Variants in INVS observed in about 807,000 individuals in gnomAD.
The protein encoded by INVS is inversion of embryo turning homolog.
A neutral mutation model predicts 108.8 loss-of-function variants in INVS; 86 were observed. The ratio of observed to expected loss-of-function variants is 0.79; its 90% confidence interval spans 0.66 to 0.95. The LOEUF (loss-of-function observed/expected upper bound fraction) is 0.95, where lower values mean the gene tolerates loss of function less well. INVS is among the 40% of genes least tolerant of loss of function. INVS has a pLI of 0.00. For missense variants in INVS, 1,169 were observed against 1,297.4 expected (o/e 0.90, Z 1.52); for synonymous variants, 455 against 473.5 (o/e 0.96, Z 0.51).
intron 10 of INVS, among the ~76,000 whole-genome samples, chr9:100,264,040 A>G (rs1832709780): frequency 1.3e-5 from 2 of 152,124 alleles, no homozygotes; most frequent in African/African-American, 4.8e-5. Flanking sequence ...TTGTTATTAG[A>G]TGCACACAAG....
chr9:100,268,115 T>G (rs1832847611), intron 11 of INVS, among the ~76,000 whole-genome samples: 1 of 152,130 alleles, frequency 6.6e-6, no homozygotes. Flanking sequence ...AAAGCAAGTT[T>G]ATTAAGAAAG....
chr9:100,237,356 G>A (rs1831719512), intron 5 of INVS, among the ~76,000 whole-genome samples: 1 of 152,126 alleles, frequency 6.6e-6, no homozygotes, highest in Non-Finnish European at 1.5e-5. Context: ...CCCCTTTCCA[G>A]TGGAGTGAAC....
At chr9:100,185,693 C>T (rs1282042608) in intron 3 of INVS, among the ~76,000 whole-genome samples, 2 of 151,700 alleles carry the variant, frequency 1.3e-5, no homozygotes, top group Non-Finnish European at 2.9e-5. Flanking sequence ...TTTTATTCCT[C>T]TGCCCACTCT....
chr9:100,099,684 T>G (rs189838173), intron 1 of INVS, among the ~76,000 whole-genome samples: 1 of 152,328 alleles, frequency 6.6e-6, no homozygotes, highest in Non-Finnish European at 1.5e-5. Context: ...CGGGATGGGA[T>G]AGCACGTCGT....
At chr9:100,113,291 T>C (rs531735073) in intron 2 of INVS, among the ~76,000 whole-genome samples, 11 of 152,248 alleles carry the variant, frequency 7.2e-5, no homozygotes, top group Non-Finnish European at 1.6e-4. Context: ...CAATGCAAAA[T>C]TTGCCTCCAT....
chr9:100,199,534 T>C (rs1367021611), intron 3 of INVS, among the ~76,000 whole-genome samples: 1 of 152,212 alleles, frequency 6.6e-6, no homozygotes, highest in African/African-American at 2.4e-5. Context: ...CCTATACCTA[T>C]GTATTATTTT....
intron 3 of INVS, among the ~76,000 whole-genome samples, chr9:100,143,368 A>T (rs1828493585): frequency 6.6e-6 from 1 of 152,170 alleles, no homozygotes; most frequent in South Asian, 2.1e-4. Flanking sequence ...TATAGGCTTT[A>T]AAAGGCCATG....
intron 3 of INVS, among the ~76,000 whole-genome samples, chr9:100,206,755 G>T (rs1051509340): frequency 6.6e-6 from 1 of 151,520 alleles, no homozygotes; most frequent in East Asian, 1.9e-4. Flanking sequence ...AAAAATCCAG[G>T]ATCAGGCACT....
intron 5 of INVS, among the ~76,000 whole-genome samples, chr9:100,236,700 TAA>T (rs1274776168): frequency 2.4e-4 from 37 of 152,174 alleles, no homozygotes; most frequent in Non-Finnish European, 7.4e-5. Flanking sequence ...TACGGAACAG[TAA>T]AGATTGCTGC....
chr9:100,260,882 G>A (rs563645178), intron 10 of INVS, among the ~76,000 whole-genome samples: 1 of 151,996 alleles, frequency 6.6e-6, no homozygotes, highest in African/African-American at 2.4e-5. Flanking sequence ...TTTCCTTTGG[G>A]ATTATCGCAT....
chr9:100,160,644 T>G (rs1182558885), intron 3 of INVS, among the ~76,000 whole-genome samples: 1 of 152,124 alleles, frequency 6.6e-6, no homozygotes, highest in African/African-American at 2.4e-5. Flanking sequence ...TAATTTACAT[T>G]TAAATATCCC....
chr9:100,238,348 T>C (rs1831755758), intron 5 of INVS, among the ~76,000 whole-genome samples: 1 of 152,252 alleles, frequency 6.6e-6, no homozygotes, highest in Non-Finnish European at 1.5e-5. Flanking sequence ...GTCATTCCTT[T>C]ATACATGATG....
intron 8 of INVS, among the ~76,000 whole-genome samples, chr9:100,250,914 CACTT>C (rs1450590747): frequency 6.6e-6 from 1 of 152,176 alleles, no homozygotes; most frequent in Non-Finnish European, 1.5e-5. Flanking sequence ...ACTCCACTGT[CACTT>C]ACTGTGCTGC....
Position 100,292,712 on chromosome 9 carries a change from G to T in INVS, c.2455G>T (p.Val819Phe), listed in dbSNP as rs766203663. 1.9e-6 allele frequency: 3 copies of T among 1,614,140 alleles called. No homozygotes were observed. In the East Asian group the frequency reaches 6.7e-5, roughly 36 times the overall value. ...SRPGSARGEA[V>F]HAGQNPPHHR... is the part of the protein sequence containing the mutation. ...CCCTGGCAGTGCCCGGGGGGAGGCG[G>T]TCCATGCTGGGCAGAATCCTCCCCA... The change falls in exon 14 of 17, where the codon GTC becomes TTC. Residue 819 changes from valine to phenylalanine, a missense_variant. This residue lies in a region of INVS where 533 missense variants were observed against 536.0 expected (regional missense o/e 0.99). Coordinates refer to ENST00000262457, the MANE Select transcript of INVS (RefSeq NM_014425.5).
intron 15 of INVS, 111 bp downstream of exon 15, chr9:100,297,257 G>A (rs1288318223): frequency 1.1e-6 from 1 of 892,102 alleles, no homozygotes; most frequent in Non-Finnish European, 1.8e-6. Context: ...GATAAATTAG[G>A]TTGGTGCAAA....
At chr9:100,134,962 G>GAAA (rs1828176158) in intron 3 of INVS, among the ~76,000 whole-genome samples, 1 of 152,102 alleles carries the variant, frequency 6.6e-6, no homozygotes, top group South Asian at 2.1e-4. Flanking sequence ...TCAGGAACAA[G>GAAA]AAAAACTAAT....
At chr9:100,135,726 G>T (rs1267885546) in intron 3 of INVS, among the ~76,000 whole-genome samples, 1 of 152,038 alleles carries the variant, frequency 6.6e-6, no homozygotes, top group Admixed American at 6.6e-5. Flanking sequence ...GGAATTTTAG[G>T]CTTCGGTGAT....
intron 1 of INVS, chr9:100,101,503 C>T (rs1480736470): frequency 6.6e-6 from 1 of 152,244 alleles, no homozygotes; most frequent in Non-Finnish European, 1.5e-5. Context: ...ACTGAAGTGT[C>T]TCACAACACC....
At chr9:100,265,782 A>G (rs1020203484) in intron 11 of INVS, among the ~76,000 whole-genome samples, 1 of 152,212 alleles carries the variant, frequency 6.6e-6, no homozygotes, top group Admixed American at 6.5e-5. Context: ...GGCCCAATAA[A>G]AAGGACCAAA....
Sources: allele counts gnomAD v4.1 joint callset (sites outside exome capture counted in the v4.1 genomes callset), GRCh38; gene constraint gnomAD v4.1.1; regional missense constraint gnomAD v4.1.1; transcripts MANE v1.5; gene names NCBI Gene and HGNC (gene_info 2026-07-23, HGNC 2026-07-21).